SUPT3H: variants seen among roughly 807,000 people sequenced by gnomAD.
SUPT3H encodes the protein SPT3 homolog, SAGA and STAGA complex component.
In SUPT3H, 44 loss-of-function variants were observed where a neutral mutation model predicts 44.3. The ratio of observed to expected loss-of-function variants is 0.99; its 90% CI spans 0.78 to 1.28. The LOEUF is 1.28. SUPT3H is among the 50% of genes most tolerant of loss of function. The pLI is 0.00. For synonymous variants in SUPT3H, 124 were observed against 125.6 expected (o/e 0.99, Z 0.09); for missense variants, 380 against 387.1 (o/e 0.98, Z 0.15).
chr6:45,219,615 A>G (rs1765664601), intron 2 of SUPT3H, among the ~76,000 whole-genome samples: 1 of 152,194 alleles, frequency 6.6e-6, no homozygotes, highest in Admixed American at 6.5e-5. Flanking sequence ...TCCTATAACA[A>G]TGTTAAAAAT....
At chr6:45,266,552 C>T (rs1364711764) in intron 2 of SUPT3H, among the ~76,000 whole-genome samples, 1 of 151,674 alleles carries the variant, frequency 6.6e-6, no homozygotes, top group Admixed American at 6.6e-5. Flanking sequence ...TTTAAATTAA[C>T]ATTTATATGA....
chr6:45,274,414 C>T (rs965457381), intron 2 of SUPT3H, among the ~76,000 whole-genome samples: 2 of 152,130 alleles, frequency 1.3e-5, no homozygotes, highest in African/African-American at 4.8e-5. Flanking sequence ...TGAACATTTA[C>T]TCCTATATTT....
At chr6:45,111,955 G>A (rs898014760) in intron 2 of SUPT3H, among the ~76,000 whole-genome samples, 3 of 151,696 alleles carry the variant, frequency 2.0e-5, no homozygotes, top group Non-Finnish European at 2.9e-5. Context: ...CAGCTACAAA[G>A]TAGGAAAAGT....
At chr6:45,303,671 T>TAAAAAAAAAAAAAAAAAAAAAAA (rs36119324) in intron 2 of SUPT3H, among the ~76,000 whole-genome samples, 1 of 113,068 alleles carries the variant, frequency 8.8e-6, no homozygotes, top group African/African-American at 3.3e-5. Flanking sequence ...ATTCTAGAAG[T>TAAAAAAAAAAAAAAAAAAAAAAA]AAAAAAAAAA....
chr6:45,351,858 A>G (rs1792124439), intron 2 of SUPT3H, among the ~76,000 whole-genome samples: 1 of 152,150 alleles, frequency 6.6e-6, no homozygotes, highest in South Asian at 2.1e-4. Flanking sequence ...AGCACTTTGA[A>G]AAAGAGTAAT....
At chr6:44,997,244 A>G (rs990175150) in intron 6 of SUPT3H, among the ~76,000 whole-genome samples, 13 of 151,864 alleles carry the variant, frequency 8.6e-5, no homozygotes, top group African/African-American at 3.1e-4. Context: ...CATTAAGCCA[A>G]TACATTAATG....
chr6:45,377,366 C>T (rs1796943194), intron 1 of SUPT3H: 1 of 152,268 alleles, frequency 6.6e-6, no homozygotes, highest in African/African-American at 2.4e-5. Flanking sequence ...CTCCCACTAA[C>T]TACCTAACTC....
intron 2 of SUPT3H, among the ~76,000 whole-genome samples, chr6:45,126,168 T>C (rs1357821598): frequency 2.6e-5 from 4 of 152,172 alleles, no homozygotes; most frequent in African/African-American, 9.6e-5. Flanking sequence ...AAGAAGTAAA[T>C]ACCCATTGGA....
At chr6:45,083,139 C>T (rs550847106) in intron 3 of SUPT3H, among the ~76,000 whole-genome samples, 41 of 150,080 alleles carry the variant, frequency 2.7e-4, no homozygotes, top group African/African-American at 9.3e-4. Flanking sequence ...AATGGAAAAA[C>T]ATTCCATGTT....
At chr6:45,193,866 A>G (rs573724134) in intron 2 of SUPT3H, among the ~76,000 whole-genome samples, 6 of 152,374 alleles carry the variant, frequency 3.9e-5, no homozygotes, top group African/African-American at 1.4e-4. Context: ...ACAGATAATT[A>G]ACATTAGTTC....
intron 2 of SUPT3H, among the ~76,000 whole-genome samples, chr6:45,183,457 G>T (rs1025322760): frequency 3.3e-5 from 5 of 152,186 alleles, no homozygotes; most frequent in African/African-American, 1.2e-4. Context: ...TTTACTCATA[G>T]CAGAAGGTAA....
intron 5 of SUPT3H, among the ~76,000 whole-genome samples, chr6:45,006,605 T>C (rs748381441): frequency 2.0e-5 from 3 of 152,078 alleles, no homozygotes; most frequent in Non-Finnish European, 4.4e-5. Flanking sequence ...TACCAAGAGG[T>C]AACATTTTCC....
intron 2 of SUPT3H, among the ~76,000 whole-genome samples, chr6:45,278,942 G>GA (rs1448644071): frequency 6.6e-6 from 1 of 151,964 alleles, no homozygotes; most frequent in African/African-American, 2.4e-5. Context: ...ATACAATGTA[G>GA]AATTTTTTAA....
At chr6:45,078,380 T>G (rs1242356620) in intron 3 of SUPT3H, among the ~76,000 whole-genome samples, 1 of 152,246 alleles carries the variant, frequency 6.6e-6, no homozygotes, top group Non-Finnish European at 1.5e-5. Context: ...TAGCCAACAT[T>G]GCAGTTGTTG....
intron 10 of SUPT3H, among the ~76,000 whole-genome samples, chr6:44,833,208 TAGTA>T (rs143620203): frequency 1.3e-5 from 2 of 152,302 alleles, no homozygotes; most frequent in East Asian, 1.9e-4. Context: ...AATCTCACTG[TAGTA>T]AGTAAGTCCC....
chr6:44,891,426 G>A (rs1488026408), intron 10 of SUPT3H, among the ~76,000 whole-genome samples: 1 of 151,966 alleles, frequency 6.6e-6, no homozygotes, highest in Non-Finnish European at 1.5e-5. Context: ...CCATAAAAGG[G>A]AACAAAATTC....
chr6:45,354,793 G>T (rs2150211395), intron 2 of SUPT3H, among the ~76,000 whole-genome samples: 1 of 152,026 alleles, frequency 6.6e-6, no homozygotes, highest in Admixed American at 6.6e-5. Context: ...TGAGGCTAGG[G>T]TTTATAGTGC....
chr6:44,898,107 C>T (rs537073349), intron 10 of SUPT3H, among the ~76,000 whole-genome samples: 89 of 152,328 alleles, frequency 5.8e-4, no homozygotes, highest in African/African-American at 2.0e-3. Flanking sequence ...GAATTTGCAT[C>T]TTATGATCCT....
At position 45,139,957 on chromosome 6, in the gene SUPT3H, T is replaced by C. The variant is rs996449125; in HGVS notation, c.102-33951A>G. On this transcript the variant is annotated intron_variant, in intron 2 of 10. Coordinates refer to ENST00000371459, the MANE Select transcript of SUPT3H (RefSeq NM_003599.4). ...CAAGCACAGGAGCTGCTGCCAACAA[T>C]GTGGGCAGACAGGGAGGGTTGAGGC... Among the ~76,000 whole-genome samples the C allele has an allele frequency of 5.3e-5, 8 of 152,158 alleles. No individual in the cohort carries two copies. The East Asian group carries it at 1.4e-3, about 26-fold the overall frequency.
Sources: gnomAD v4.1 joint callset for allele counts (sites outside exome capture counted in the v4.1 genomes callset) on GRCh38, gnomAD v4.1.1 for gene constraint, MANE v1.5 for transcripts, NCBI Gene and HGNC (gene_info 2026-07-23, HGNC 2026-07-21) for gene names.